The following EPHA3 variants were observed in gnomAD, a reference collection of about 807,000 sequenced individuals.
EPHA3 encodes ephrin type-A receptor 3.
EPHA3 carries 42 observed loss-of-function variants against 107.1 expected under a neutral mutation model. That is an observed-to-expected ratio of 0.39 (90% CI 0.31 to 0.51). The LOEUF is 0.51. Among genes scored for constraint, EPHA3 ranks in the 20% least tolerant of loss-of-function variants. EPHA3 has a pLI of 0.78. For missense variants in EPHA3, 1,183 were observed against 1,211.2 expected (o/e 0.98, Z 0.35); for synonymous variants, 461 against 424.8 (o/e 1.09, Z -1.05).
At chr3:89,302,400 G>A (rs915017846) in intron 3 of EPHA3, among the ~76,000 whole-genome samples, 2 of 152,074 alleles carry the variant, frequency 1.3e-5, no homozygotes, top group African/African-American at 4.8e-5. Context: ...ACCAAAAGGT[G>A]TTCTAACATT....
At chr3:89,216,282 C>T (rs1354109031) in intron 3 of EPHA3, among the ~76,000 whole-genome samples, 2 of 151,836 alleles carry the variant, frequency 1.3e-5, no homozygotes, top group African/African-American at 2.4e-5. Context: ...GGGTTGTTTC[C>T]ATCATTTCAT....
At chr3:89,323,052 G>T (rs544032542) in intron 3 of EPHA3, among the ~76,000 whole-genome samples, 50 of 152,114 alleles carry the variant, frequency 3.3e-4, no homozygotes, top group African/African-American at 1.0e-3. Flanking sequence ...AAGGATGTTG[G>T]TATAATATTC....
chr3:89,467,071 A>T (rs1395254369), intron 15 of EPHA3, among the ~76,000 whole-genome samples: 2 of 152,164 alleles, frequency 1.3e-5, no homozygotes, highest in Admixed American at 6.5e-5. Flanking sequence ...TTAGTTACTG[A>T]TGAAAAATTA....
chr3:89,193,266 T>G lies in EPHA3; in HGVS notation c.154-16594T>G, dbSNP rs1206122519. On this transcript the variant is annotated intron_variant, in intron 2 of 16. Coordinates refer to ENST00000336596, the MANE Select transcript of EPHA3 (RefSeq NM_005233.6). ...AGCTTAAGTAGCTGGCCATTGTTTTTGGGTTTAAAAATTTCTTTTAAGTTC... is the reference window on the plus strand; with the variant it reads ...AGCTTAAGTAGCTGGCCATTGTTTTGGGGTTTAAAAATTTCTTTTAAGTTC... Among the ~76,000 whole-genome samples, 5 of 152,186 alleles carry G rather than the reference T, an allele frequency of 3.3e-5. No individual in the cohort carries two copies. The East Asian group carries it at 7.7e-4, about 23-fold the overall frequency.
chr3:89,386,067 AT>A (rs1255858202), intron 5 of EPHA3, among the ~76,000 whole-genome samples: 3 of 152,082 alleles, frequency 2.0e-5, no homozygotes, highest in Non-Finnish European at 4.4e-5. Context: ...TGGTGGAACA[AT>A]TTTTTTAGTA....
intron 5 of EPHA3, among the ~76,000 whole-genome samples, chr3:89,375,067 G>T (rs1233287019): frequency 6.6e-6 from 1 of 151,756 alleles, no homozygotes; most frequent in African/African-American, 2.4e-5. Flanking sequence ...AGATATATTT[G>T]TGTATGTGTG....
In EPHA3 at chr3:89,341,022, G is replaced by C. The variant is rs1707507382; in HGVS notation, c.921G>C (p.Glu307Asp). 1 of 1,614,128 alleles carries C rather than the reference G, an allele frequency of 6.2e-7. No homozygotes were observed. ...ATGGTTCAATGAACTGCAGGTGTGA[G>C]AATAATTACTTCCGGGCAGACAAAG... ...QEDGSMNCRC[E>D]NNYFRADKDP... Residue 307 changes from glutamate to aspartate, a missense_variant, in exon 4 of 17, where the codon GAG (glutamate) becomes GAC (aspartate). Coordinates refer to ENST00000336596, the MANE Select transcript of EPHA3 (RefSeq NM_005233.6).
At chr3:89,331,514 T>A (rs914382561) in intron 3 of EPHA3, among the ~76,000 whole-genome samples, 2 of 152,160 alleles carry the variant, frequency 1.3e-5, no homozygotes, top group Non-Finnish European at 2.9e-5. Flanking sequence ...TTTTTTCTAA[T>A]TTGCCAATTT....
chr3:89,378,251 T>G (rs2107480640), intron 5 of EPHA3, among the ~76,000 whole-genome samples: 1 of 152,272 alleles, frequency 6.6e-6, no homozygotes, highest in East Asian at 1.9e-4. Context: ...TCCTAGAACT[T>G]AAAGTATAAT....
intron 1 of EPHA3, among the ~76,000 whole-genome samples, chr3:89,109,894 T>C (rs1339633198): frequency 6.6e-6 from 1 of 151,978 alleles, no homozygotes; most frequent in Non-Finnish European, 1.5e-5. Context: ...CCTGTGATTG[T>C]GAAGGGAAGC....
Position 89,340,078 on chromosome 3 carries a change from G to C in EPHA3, c.815-838G>C, listed in dbSNP as rs563087810. Among the ~76,000 whole-genome samples, 13 of 152,248 alleles carry C rather than the reference G, an allele frequency of 8.5e-5. No homozygotes were observed. In the East Asian group the frequency reaches 2.5e-3, roughly 29 times the overall value. ...GACAAAATGAAAATAATATAGTAGA[G>C]GCAGTTTTAGGCATATCTCTGTAAA... On this transcript the variant is annotated intron_variant, in intron 3 of 16. Coordinates refer to ENST00000336596, the MANE Select transcript of EPHA3 (RefSeq NM_005233.6).
chr3:89,355,822 A>G (rs568076635), intron 5 of EPHA3, among the ~76,000 whole-genome samples: 1 of 148,542 alleles, frequency 6.7e-6, no homozygotes, highest in Non-Finnish European at 1.5e-5. Flanking sequence ...GAATAAATAT[A>G]TATATATTTT....
At chr3:89,431,997 A>G (rs1387085779) in intron 13 of EPHA3, among the ~76,000 whole-genome samples, 2 of 152,146 alleles carry the variant, frequency 1.3e-5, no homozygotes, top group African/African-American at 4.8e-5. Context: ...TTGTCAATAA[A>G]TAATCTTTAA....
chr3:89,338,537 GAC>G (rs944120935), intron 3 of EPHA3, among the ~76,000 whole-genome samples: 4 of 152,166 alleles, frequency 2.6e-5, no homozygotes, highest in African/African-American at 9.7e-5. Flanking sequence ...ATAGATGTTT[GAC>G]AAATATTTAT....
intron 5 of EPHA3, among the ~76,000 whole-genome samples, chr3:89,350,970 C>A (rs189842439): frequency 1.3e-5 from 2 of 151,368 alleles, no homozygotes; most frequent in Non-Finnish European, 3.0e-5. Flanking sequence ...GGCAGTCTGC[C>A]GGTTCTCAGA....
intron 2 of EPHA3, among the ~76,000 whole-genome samples, chr3:89,132,963 T>A (rs1559745871): frequency 6.6e-6 from 1 of 152,236 alleles, no homozygotes; most frequent in Non-Finnish European, 1.5e-5. Context: ...GTAATTCCTA[T>A]GTCATATCAC....
At chr3:89,189,846 T>C (rs1705662625) in intron 2 of EPHA3, among the ~76,000 whole-genome samples, 1 of 152,202 alleles carries the variant, frequency 6.6e-6, no homozygotes, top group African/African-American at 2.4e-5. Context: ...ATTGTGTCCA[T>C]TATGATCTGC....
intron 6 of EPHA3, among the ~76,000 whole-genome samples, chr3:89,397,935 A>T (rs1708883957): frequency 6.6e-6 from 1 of 152,198 alleles, no homozygotes. Flanking sequence ...AAATCTATTG[A>T]TTATTCCCTA....
chr3:89,226,895 C>T (rs538949227), intron 3 of EPHA3, among the ~76,000 whole-genome samples: 1 of 152,042 alleles, frequency 6.6e-6, no homozygotes, highest in Non-Finnish European at 1.5e-5. Context: ...CCTTCATATA[C>T]ATTCCATTGC....
Sources: gnomAD v4.1 joint callset for allele counts (sites outside exome capture counted in the v4.1 genomes callset) on GRCh38, gnomAD v4.1.1 for gene constraint, MANE v1.5 for transcripts, NCBI Gene and HGNC (gene_info 2026-07-23, HGNC 2026-07-21) for gene names.